The following NXPE3 variants were observed in gnomAD, a reference collection of about 807,000 sequenced individuals.
The protein encoded by NXPE3 is NXPE family member 3.
NXPE3 carries 26 observed loss-of-function variants against 46.1 expected under a neutral mutation model. The ratio of observed to expected loss-of-function variants is 0.56; its 90% CI spans 0.41 to 0.78. The LOEUF (loss-of-function observed/expected upper bound fraction) is 0.78, where lower values mean the gene tolerates loss of function less well. Ranked by LOEUF, NXPE3 falls within the 30% of genes least tolerant of loss-of-function variation. The probability of loss-of-function intolerance (pLI) is 0.00; values close to 1 mark genes in which losing one functional copy is unlikely to be tolerated. For missense variants in NXPE3, 620 were observed against 686.0 expected (o/e 0.90, Z 1.07); for synonymous variants, 272 against 257.9 (o/e 1.05, Z -0.52).
At chr3:101,788,808 G>A (rs1344970994) in intron 4 of NXPE3, among the ~76,000 whole-genome samples, 1 of 152,076 alleles carries the variant, frequency 6.6e-6, no homozygotes, top group Non-Finnish European at 1.5e-5. Context: ...TAGAGATGGG[G>A]TTTTGCCATG....
At chr3:101,817,083 G>A (rs940005932) in intron 7 of NXPE3, 82 bp downstream of exon 7, 1 of 1,188,866 alleles carries the variant, frequency 8.4e-7, no homozygotes, top group Admixed American at 1.7e-5. Flanking sequence ...CCTGAAGAAA[G>A]GTTATCAGGT....
intron 5 of NXPE3, among the ~76,000 whole-genome samples, chr3:101,805,029 T>A (rs1227203804): frequency 6.6e-6 from 1 of 152,322 alleles, no homozygotes; most frequent in Admixed American, 6.5e-5. Flanking sequence ...TCACTATTAT[T>A]GTTTTGACAC....
intron 4 of NXPE3, 84 bp from the exon 5 acceptor site, chr3:101,801,151 A>G (rs969422562): frequency 5.0e-6 from 7 of 1,392,376 alleles, no homozygotes; most frequent in Non-Finnish European, 6.9e-6. Flanking sequence ...AACTCACAGA[A>G]GTGTGGGGAG....
chr3:101,813,191 T>C lies in NXPE3; in HGVS notation c.923-3604T>C, dbSNP rs1941805606. The stretch of plus-strand genomic sequence containing the variant: ...AGCTTCCTATGCTCATGGCAGTCTC[T>C]GGTGCAGGGAATTGGTTGATCCCAT... On this transcript the variant is annotated intron_variant, in intron 6 of 7. Coordinates refer to ENST00000273347, the MANE Select transcript of NXPE3 (RefSeq NM_145037.4). 2.0e-5 allele frequency among the ~76,000 whole-genome samples: 3 copies of C among 152,316 alleles called. No individual in the cohort carries two copies. The South Asian group carries it at 6.2e-4, about 32-fold the overall frequency.
intron 4 of NXPE3, among the ~76,000 whole-genome samples, chr3:101,790,070 T>C (rs1375204726): frequency 1.3e-5 from 2 of 152,240 alleles, no homozygotes; most frequent in African/African-American, 4.8e-5. Context: ...TGATTCCTCA[T>C]TTAATTCCCC....
At position 101,785,629 on chromosome 3, in the gene NXPE3, C is replaced by T. The variant is rs768442436; in HGVS notation, c.33C>T (p.Phe11=). MWTNFFKLRL[F]CCLLAVLMVV... ...CCAATTTCTTCAAACTACGGCTTTT[C>T]TGCTGTCTGCTTGCAGTGTTGATGG... The change falls in exon 4 of 8, where the codon TTC becomes TTT. Residue 11 remains phenylalanine (F), a synonymous_variant. Coordinates refer to ENST00000273347, the MANE Select transcript of NXPE3 (RefSeq NM_145037.4). 1.2e-6 allele frequency: 2 copies of T among 1,614,090 alleles called. No homozygotes were observed.
At chr3:101,792,741 A>G (rs1940591552) in intron 4 of NXPE3, among the ~76,000 whole-genome samples, 1 of 152,094 alleles carries the variant, frequency 6.6e-6, no homozygotes, top group South Asian at 2.1e-4. Context: ...TGCCTTGGCT[A>G]TTTGGGCTCT....
chr3:101,821,128 A>G (rs1282130792), intron 7 of NXPE3, among the ~76,000 whole-genome samples: 1 of 152,234 alleles, frequency 6.6e-6, no homozygotes, highest in Non-Finnish European at 1.5e-5. Context: ...TTTTTCAGGC[A>G]TAGACAGGTG....
intron 6 of NXPE3, among the ~76,000 whole-genome samples, chr3:101,809,809 T>C (rs555684463): frequency 6.6e-6 from 1 of 152,364 alleles, no homozygotes; most frequent in South Asian, 2.1e-4. Context: ...TTTGTCATCC[T>C]GTGTGCTGTC....
Position 101,801,501 on chromosome 3 carries a change from A to C in NXPE3, c.360A>C (p.Gly120=). 1 of 1,614,140 alleles carries C rather than the reference A, an allele frequency of 6.2e-7. No individual in the cohort carries two copies. The highest frequency in any genetic ancestry group is 8.5e-7 in the Non-Finnish European group (1 of 1,180,040). ...ACTCTGCTGCCTTCTTTAAGGTGGG[A>C]AGCCAGCTTGAGGTGCTGGTTCATG... ...ILNSAAFFKV[G]SQLEVLVHVQ... Residue 120 remains glycine (G), a synonymous_variant, in exon 5 of 8, where the codon GGA becomes GGC. Coordinates refer to ENST00000273347, the MANE Select transcript of NXPE3 (RefSeq NM_145037.4).
chr3:101,799,457 C>G (rs1941019554), intron 4 of NXPE3, among the ~76,000 whole-genome samples: 1 of 151,966 alleles, frequency 6.6e-6, no homozygotes, highest in Non-Finnish European at 1.5e-5. Context: ...GATGGAGTCT[C>G]ATTCTGTCGC....
At chr3:101,812,811 CAAAAAAAAAAAAAAA>C (rs57029374) in intron 6 of NXPE3, among the ~76,000 whole-genome samples, 1 of 58,708 alleles carries the variant, frequency 1.7e-5, no homozygotes, top group Non-Finnish European at 3.0e-5. Flanking sequence ...GACTCCGTCT[CAAAAAAAAAAAAAAA>C]AAAAAAAAAA....
intron 6 of NXPE3, among the ~76,000 whole-genome samples, chr3:101,811,021 G>T (rs919879838): frequency 1.3e-5 from 2 of 152,024 alleles, no homozygotes; most frequent in Non-Finnish European, 2.9e-5. Context: ...GGTTTTCACT[G>T]TGTTGGCCAG....
At chr3:101,815,546 C>T (rs551019807) in intron 6 of NXPE3, among the ~76,000 whole-genome samples, 15 of 152,306 alleles carry the variant, frequency 9.8e-5, no homozygotes, top group Admixed American at 9.8e-4. Flanking sequence ...TTTTGTCTTC[C>T]TTTATATTTG....
chr3:101,816,768 A>C (rs1941988389), intron 6 of NXPE3, 27 bp from the exon 7 acceptor site: 1 of 1,541,124 alleles, frequency 6.5e-7, no homozygotes, highest in African/African-American at 1.4e-5. Context: ...GAATATTAAA[A>C]TATTTGTTTT....
chr3:101,805,514 C>A (rs1036528200), intron 5 of NXPE3, among the ~76,000 whole-genome samples: 1 of 151,644 alleles, frequency 6.6e-6, no homozygotes. Context: ...CTGTAACCTT[C>A]AGCTCACTTG....
intron 6 of NXPE3, 61 bp downstream of exon 6, chr3:101,807,187 G>A: frequency 7.8e-7 from 1 of 1,289,298 alleles, no homozygotes; most frequent in South Asian, 1.2e-5. Context: ...TTGAGGCTCT[G>A]TCGTTTCATT....
intron 5 of NXPE3, among the ~76,000 whole-genome samples, chr3:101,805,928 AT>A (rs777078019): frequency 7.9e-5 from 12 of 152,136 alleles, no homozygotes; most frequent in East Asian, 7.7e-4. Flanking sequence ...TAAATTGTAT[AT>A]TTTTTTCTTA....
chr3:101,796,060 ATGCAAG>A (rs1263646564), intron 4 of NXPE3, among the ~76,000 whole-genome samples: 1 of 152,238 alleles, frequency 6.6e-6, no homozygotes, highest in Non-Finnish European at 1.5e-5. Flanking sequence ...ATTTGGCTGC[ATGCAAG>A]CATAAGCCTC....
Sources: allele counts gnomAD v4.1 joint callset (sites outside exome capture counted in the v4.1 genomes callset), GRCh38; gene constraint gnomAD v4.1.1; transcripts MANE v1.5; gene names NCBI Gene and HGNC (gene_info 2026-07-23, HGNC 2026-07-21).